The following MALRD1 variants were observed in gnomAD, a reference collection of about 807,000 sequenced individuals.
MALRD1 encodes MAM and LDL-receptor class A domain-containing protein 1.
In MALRD1, 247 loss-of-function variants were observed where a neutral mutation model predicts 242.1. The observed-to-expected ratio is 1.02, with a 90% CI of 0.92 to 1.13. The LOEUF is 1.13. Ranked by LOEUF, MALRD1 falls within the 50% of genes most tolerant of loss-of-function variation. The probability of loss-of-function intolerance (pLI) is 0.00; values close to 1 mark genes in which losing one functional copy is unlikely to be tolerated. For missense variants in MALRD1, 2,989 were observed against 2,533.1 expected (o/e 1.18, Z -3.86); for synonymous variants, 995 against 866.6 (o/e 1.15, Z -2.60).
At chr10:19,384,510 TTA>T (rs1448340332) in intron 26 of MALRD1, among the ~76,000 whole-genome samples, 3 of 117,906 alleles carry the variant, frequency 2.5e-5, no homozygotes, top group African/African-American at 1.0e-4. Context: ...TTACTATATA[TTA>T]TATATTATAT....
chr10:19,706,832 G>A (rs986150673), intron 38 of MALRD1, among the ~76,000 whole-genome samples: 5 of 151,996 alleles, frequency 3.3e-5, no homozygotes, highest in African/African-American at 1.2e-4. Context: ...TGACCACACT[G>A]GAGCACCTTG....
intron 14 of MALRD1, among the ~76,000 whole-genome samples, chr10:19,184,988 T>C (rs985077227): frequency 6.6e-6 from 1 of 152,234 alleles, no homozygotes; most frequent in Non-Finnish European, 1.5e-5. Context: ...ACTTTCACTT[T>C]TCATGATTAT....
At chr10:19,442,380 C>T (rs1391125188) in intron 28 of MALRD1, among the ~76,000 whole-genome samples, 4 of 152,154 alleles carry the variant, frequency 2.6e-5, no homozygotes, top group African/African-American at 9.7e-5. Flanking sequence ...TGAGAGAGGG[C>T]ATCCCTGTCT....
intron 18 of MALRD1, among the ~76,000 whole-genome samples, chr10:19,237,492 G>T (rs1256503866): frequency 1.8e-5 from 2 of 110,996 alleles, no homozygotes; most frequent in Non-Finnish European, 3.6e-5. Flanking sequence ...TGGCTGAATA[G>T]TATTTCATTG....
intron 14 of MALRD1, among the ~76,000 whole-genome samples, chr10:19,175,682 G>A (rs80185302): frequency 0.018 from 2,775 of 151,608 alleles, 108 homozygotes; most frequent in East Asian, 0.18. Flanking sequence ...AACTTCAAAT[G>A]AGCATGTAAT....
At chr10:19,363,808 T>C (rs923873611) in intron 26 of MALRD1, among the ~76,000 whole-genome samples, 4 of 152,090 alleles carry the variant, frequency 2.6e-5, no homozygotes, top group African/African-American at 9.7e-5. Context: ...CAAAGAATCA[T>C]CAATAATTTC....
intron 21 of MALRD1, among the ~76,000 whole-genome samples, chr10:19,305,259 G>T (rs757876268): frequency 6.6e-6 from 1 of 151,540 alleles, no homozygotes; most frequent in Non-Finnish European, 1.5e-5. Context: ...GAATCTAATC[G>T]CAATCTAACA....
intron 32 of MALRD1, among the ~76,000 whole-genome samples, chr10:19,566,505 T>A (rs970882014): frequency 2.6e-5 from 4 of 151,582 alleles, no homozygotes; most frequent in African/African-American, 9.7e-5. Flanking sequence ...ACAGTAAGAT[T>A]TTTTAGTAAG....
At chr10:19,438,889 G>C (rs1041455603) in intron 28 of MALRD1, among the ~76,000 whole-genome samples, 3 of 152,032 alleles carry the variant, frequency 2.0e-5, no homozygotes, top group African/African-American at 7.2e-5. Flanking sequence ...TCTATCCCAG[G>C]CTCTTCTGAA....
chr10:19,184,002 C>G (rs1370561138), intron 14 of MALRD1, among the ~76,000 whole-genome samples: 2 of 152,126 alleles, frequency 1.3e-5, no homozygotes, highest in Admixed American at 1.3e-4. Flanking sequence ...GGCTGAAAAA[C>G]CTACATAGCA....
chr10:19,687,172 G>A (rs763520144), intron 36 of MALRD1, among the ~76,000 whole-genome samples: 4 of 151,862 alleles, frequency 2.6e-5, no homozygotes, highest in Non-Finnish European at 4.4e-5. Flanking sequence ...TTCTAATTTA[G>A]ACTGATGTGT....
At chr10:19,505,242 AAAGTACTGGT>A (rs1255327595) in intron 31 of MALRD1, among the ~76,000 whole-genome samples, 1 of 152,220 alleles carries the variant, frequency 6.6e-6, no homozygotes, top group African/African-American at 2.4e-5. Context: ...ATCCAAGTAA[AAAGTACTGGT>A]AAGGACTGAA....
chr10:19,170,416 A>G (rs1248301648), intron 13 of MALRD1, among the ~76,000 whole-genome samples: 1 of 152,150 alleles, frequency 6.6e-6, no homozygotes, highest in Non-Finnish European at 1.5e-5. Flanking sequence ...ATTGTATCAT[A>G]TTTTAGATTT....
At chr10:19,198,421 TA>T (rs1836362842) in intron 14 of MALRD1, among the ~76,000 whole-genome samples, 1 of 152,206 alleles carries the variant, frequency 6.6e-6, no homozygotes, top group Non-Finnish European at 1.5e-5. Flanking sequence ...CTTATGGAAC[TA>T]AAATCTTTTA....
intron 33 of MALRD1, among the ~76,000 whole-genome samples, chr10:19,575,569 T>G (rs1470921395): frequency 1.3e-5 from 2 of 152,118 alleles, no homozygotes; most frequent in Admixed American, 6.5e-5. Flanking sequence ...GCAATAATTT[T>G]TTTCATAATA....
chr10:19,641,192 G>A (rs1046254469), intron 36 of MALRD1, among the ~76,000 whole-genome samples: 2 of 152,248 alleles, frequency 1.3e-5, no homozygotes, highest in South Asian at 4.2e-4. Flanking sequence ...GTGACAAACA[G>A]CTAGATACAT....
At chr10:19,295,233 G>A (rs138972296) in intron 21 of MALRD1, among the ~76,000 whole-genome samples, 19 of 151,758 alleles carry the variant, frequency 1.3e-4, no homozygotes, top group Middle Eastern at 3.4e-3. Flanking sequence ...ATTATTATTC[G>A]TAATTTAGAC....
intron 29 of MALRD1, among the ~76,000 whole-genome samples, chr10:19,487,144 TC>T (rs1318121510): frequency 6.6e-6 from 1 of 152,190 alleles, no homozygotes; most frequent in Non-Finnish European, 1.5e-5. Flanking sequence ...GCACCAATGT[TC>T]CATCCATTCT....
intron 18 of MALRD1, among the ~76,000 whole-genome samples, chr10:19,222,790 A>G (rs1564478374): frequency 6.6e-6 from 1 of 152,228 alleles, no homozygotes; most frequent in East Asian, 1.9e-4. Flanking sequence ...TGAACCAAAT[A>G]GTTTTGCTTG....
Sources: allele counts gnomAD v4.1 joint callset (sites outside exome capture counted in the v4.1 genomes callset), GRCh38; gene constraint gnomAD v4.1.1; transcripts MANE v1.5; gene names NCBI Gene and HGNC (gene_info 2026-07-23, HGNC 2026-07-21).